Variants in SSBP2 observed in about 807,000 individuals in gnomAD.
SSBP2 encodes single stranded DNA binding protein 2, also known as single-stranded DNA-binding protein 2.
SSBP2 carries 17 observed loss-of-function variants against 61.8 expected under a neutral mutation model. That is an observed-to-expected ratio of 0.28 (90% CI 0.19 to 0.41). SSBP2 has a LOEUF of 0.41. Among genes scored for constraint, SSBP2 ranks in the 10% least tolerant of loss-of-function variants. SSBP2 has a pLI of 1.00. For missense variants in SSBP2, 310 were observed against 458.7 expected (o/e 0.68, Z 2.96); for synonymous variants, 139 against 141.3 (o/e 0.98, Z 0.12).
At chr5:81,590,622 T>A (rs1007187172) in intron 4 of SSBP2, among the ~76,000 whole-genome samples, 5 of 152,178 alleles carry the variant, frequency 3.3e-5, no homozygotes, top group Non-Finnish European at 7.4e-5. Context: ...GTTTTCCACA[T>A]ACCTCACAAG....
At chr5:81,664,419 C>T (rs1014269869) in intron 1 of SSBP2, among the ~76,000 whole-genome samples, 10 of 152,042 alleles carry the variant, frequency 6.6e-5, no homozygotes, top group African/African-American at 1.4e-4. Context: ...CGTGAGCCAC[C>T]GCACCCTTTT....
chr5:81,451,652 C>G lies in SSBP2; in HGVS notation c.688-2827G>C, dbSNP rs549943942. On this transcript the variant is annotated intron_variant, in intron 10 of 16. Coordinates refer to ENST00000320672, the MANE Select transcript of SSBP2 (RefSeq NM_012446.5). ...ATGTTGGCCAGGCGGGTCTCGAACC[C>G]CTGACCTCAGGTGATCCACCCGCCT... Among the ~76,000 whole-genome samples, 200 of 152,322 alleles carry G rather than the reference C, an allele frequency of 1.3e-3. 1 individual carries two copies. The highest frequency in any genetic ancestry group is 4.7e-3 in the African/African-American group (194 of 41,588).
chr5:81,733,148 T>C lies in SSBP2; in HGVS notation c.62+17833A>G, dbSNP rs1234501931. ...AATAAATAGGCCTGGAATCCTCCAA[T>C]AATAGATAAAAATCTTATTAAGCTC... On this transcript the variant is annotated intron_variant, in intron 1 of 16. Coordinates refer to ENST00000320672, the MANE Select transcript of SSBP2 (RefSeq NM_012446.5). Among the ~76,000 whole-genome samples, 3 of 152,092 alleles carry C rather than the reference T, an allele frequency of 2.0e-5. No homozygotes were observed. The East Asian group carries it at 5.8e-4, about 29-fold the overall frequency.
intron 5 of SSBP2, among the ~76,000 whole-genome samples, chr5:81,489,895 A>G (rs1384967177): frequency 6.6e-6 from 1 of 152,110 alleles, no homozygotes; most frequent in African/African-American, 2.4e-5. Context: ...GCACACACCT[A>G]TAGTCCCACC....
chr5:81,525,046 T>C (rs1769812902), intron 4 of SSBP2, among the ~76,000 whole-genome samples: 1 of 152,022 alleles, frequency 6.6e-6, no homozygotes. Flanking sequence ...CCTTGTACTC[T>C]GATTCAAAGT....
intron 1 of SSBP2, among the ~76,000 whole-genome samples, chr5:81,708,601 T>A (rs1754559640): frequency 6.6e-6 from 1 of 152,088 alleles, no homozygotes; most frequent in African/African-American, 2.4e-5. Context: ...ATTTTATCAT[T>A]CCCTTGTGCA....
intron 10 of SSBP2, among the ~76,000 whole-genome samples, chr5:81,449,304 T>C (rs1763613158): frequency 6.6e-6 from 1 of 152,206 alleles, no homozygotes; most frequent in Non-Finnish European, 1.5e-5. Context: ...AATCAAGCTC[T>C]TCACCAAGCT....
chr5:81,428,081 T>C (rs1312922915), intron 16 of SSBP2, among the ~76,000 whole-genome samples: 2 of 152,220 alleles, frequency 1.3e-5, no homozygotes, highest in Non-Finnish European at 2.9e-5. Flanking sequence ...TTCTGTCTAC[T>C]TCTATGGAGA....
chr5:81,722,682 G>A lies in SSBP2; in HGVS notation c.62+28299C>T, dbSNP rs545904159. Among the ~76,000 whole-genome samples, 12 of 152,042 alleles carry A rather than the reference G, an allele frequency of 7.9e-5. No homozygotes were observed. In the East Asian group the frequency reaches 2.3e-3, roughly 29 times the overall value. ...TTTGTTTCCTCATCATATGATGTTA[G>A]TAAGATTAACCTCACATGGTTGTTT... is the stretch of plus-strand genomic sequence containing the variant. On this transcript the variant is annotated intron_variant, in intron 1 of 16. Transcript: ENST00000320672.
chr5:81,549,784 T>A (rs965235313), intron 4 of SSBP2, among the ~76,000 whole-genome samples: 1 of 152,170 alleles, frequency 6.6e-6, no homozygotes, highest in African/African-American at 2.4e-5. Context: ...ATTTGCTATG[T>A]TTGAGGTAAG....
At chr5:81,721,294 G>C (rs2153970186) in intron 1 of SSBP2, among the ~76,000 whole-genome samples, 1 of 152,088 alleles carries the variant, frequency 6.6e-6, no homozygotes, top group Non-Finnish European at 1.5e-5. Flanking sequence ...ACCTAAAAAT[G>C]TCCCCGAATA....
intron 1 of SSBP2, among the ~76,000 whole-genome samples, chr5:81,659,900 T>C (rs1388965114): frequency 6.6e-6 from 1 of 152,152 alleles, no homozygotes; most frequent in African/African-American, 2.4e-5. Context: ...AACCATCTGA[T>C]CTTTGACAAA....
intron 2 of SSBP2, among the ~76,000 whole-genome samples, chr5:81,646,879 G>C (rs1749321894): frequency 6.6e-6 from 1 of 151,798 alleles, no homozygotes; most frequent in Non-Finnish European, 1.5e-5. Context: ...GGAGAGGGGA[G>C]GAGAGTTTTA....
chr5:81,650,984 T>C (rs539085028), intron 1 of SSBP2, among the ~76,000 whole-genome samples: 1 of 152,308 alleles, frequency 6.6e-6, no homozygotes, highest in African/African-American at 2.4e-5. Flanking sequence ...AACAAAATTA[T>C]GTATAAATTT....
At chr5:81,487,443 A>T (rs1412422519) in intron 6 of SSBP2, among the ~76,000 whole-genome samples, 1 of 152,160 alleles carries the variant, frequency 6.6e-6, no homozygotes, top group Non-Finnish European at 1.5e-5. Context: ...ATTTATTAAC[A>T]GATCTATCTC....
At chr5:81,568,125 G>C (rs541627051) in intron 4 of SSBP2, among the ~76,000 whole-genome samples, 3 of 152,260 alleles carry the variant, frequency 2.0e-5, no homozygotes, top group Admixed American at 2.0e-4. Flanking sequence ...GAAGATATGA[G>C]ATTTTGGAGG....
At chr5:81,507,107 A>G (rs1341552696) in intron 5 of SSBP2, among the ~76,000 whole-genome samples, 2 of 152,126 alleles carry the variant, frequency 1.3e-5, no homozygotes, top group Admixed American at 6.5e-5. Flanking sequence ...CTAAAAATAG[A>G]AAGTCTAGAA....
rs74909845 is a variant in SSBP2, at chr5:81,642,524, T to C, written c.136-5906A>G. Among the ~76,000 whole-genome samples the C allele has an allele frequency of 3.4e-4, 52 of 152,304 alleles. No individual in the cohort carries two copies. The East Asian group carries it at 6.2e-3, about 18-fold the overall frequency. On this transcript the variant is annotated intron_variant, in intron 2 of 16. Transcript: ENST00000320672. The stretch of plus-strand genomic sequence containing the variant: ...TTCTTCATAAATGTAAAACCAAACA[T>C]TGAATCATGAACAAAAGGTATATCA...
intron 2 of SSBP2, among the ~76,000 whole-genome samples, chr5:81,639,642 T>C (rs1183204111): frequency 6.6e-6 from 1 of 151,848 alleles, no homozygotes; most frequent in Non-Finnish European, 1.5e-5. Context: ...AAAAACTCTA[T>C]GCATAAGTAT....
Sources: allele counts gnomAD v4.1 joint callset (sites outside exome capture counted in the v4.1 genomes callset), GRCh38; gene constraint gnomAD v4.1.1; transcripts MANE v1.5; gene names NCBI Gene and HGNC (gene_info 2026-07-23, HGNC 2026-07-21).